Variants in NCSTN observed in about 807,000 individuals in gnomAD.
NCSTN encodes anterior pharynx-defective 2.
Under a neutral mutation model 87.0 loss-of-function variants are expected in NCSTN, and 22 were observed. That is an observed-to-expected ratio of 0.25 (90% CI 0.18 to 0.36). The LOEUF (loss-of-function observed/expected upper bound fraction) is 0.36, where lower values mean the gene tolerates loss of function less well. NCSTN is among the 10% of genes least tolerant of loss of function. NCSTN has a pLI of 1.00. For missense variants in NCSTN, 693 were observed against 883.3 expected (o/e 0.78, Z 2.73); for synonymous variants, 306 against 327.1 (o/e 0.94, Z 0.69).
At chr1:160,356,087 C>A in intron 13 of NCSTN, 129 bp downstream of exon 13, 1 of 1,074,608 alleles carries the variant, frequency 9.3e-7, no homozygotes, top group Non-Finnish European at 1.4e-6. Context: ...CCTCATGCCC[C>A]AGAGAGCTCT....
chr1:160,353,736 A>G, intron 10 of NCSTN: 1 of 983,236 alleles, frequency 1.0e-6, no homozygotes, highest in Non-Finnish European at 1.2e-6. Flanking sequence ...CTCCTGTAGC[A>G]TTTAAAGAAT....
At chr1:160,351,103 G>A in intron 5 of NCSTN, 119 bp from the exon 6 acceptor site, 1 of 1,021,924 alleles carries the variant, frequency 9.8e-7, no homozygotes, top group Non-Finnish European at 1.5e-6. Flanking sequence ...AGGGATAAAT[G>A]TCTCCGAAAA....
chr1:160,358,047 G>A, intron 16 of NCSTN, 102 bp from the exon 17 acceptor site: 2 of 1,465,098 alleles, frequency 1.4e-6, no homozygotes, highest in Non-Finnish European at 1.9e-6. Flanking sequence ...CTTAGAGCCA[G>A]CATCCGAATT....
At chr1:160,348,204 T>C (rs1337738784) in intron 2 of NCSTN, among the ~76,000 whole-genome samples, 1 of 152,266 alleles carries the variant, frequency 6.6e-6, no homozygotes, top group Admixed American at 6.5e-5. Context: ...CCTTGAATTA[T>C]GTAGAATTCA....
chr1:160,351,511 A>G (rs1309312793), intron 6 of NCSTN, 139 bp downstream of exon 6: 3 of 1,337,382 alleles, frequency 2.2e-6, no homozygotes, highest in Middle Eastern at 1.8e-4. Context: ...ACTAGAAACA[A>G]TTCTGAAAAA....
chr1:160,348,408 C>A (rs1648633362), intron 2 of NCSTN, among the ~76,000 whole-genome samples: 2 of 152,178 alleles, frequency 1.3e-5, no homozygotes, highest in African/African-American at 4.8e-5. Context: ...CCTAGGTTTC[C>A]TGGAATGAGG....
At chr1:160,353,498 A>G in intron 10 of NCSTN, 1 of 1,365,288 alleles carries the variant, frequency 7.3e-7, no homozygotes, top group Non-Finnish European at 9.5e-7. Context: ...CCCATTAAGG[A>G]TAGGTGAGTG....
chr1:160,354,068 G>A (rs1398865039), intron 10 of NCSTN, 50 bp from the exon 11 acceptor site: 19 of 1,582,570 alleles, frequency 1.2e-5, no homozygotes, highest in Non-Finnish European at 1.6e-5. Context: ...GAGACCTCCT[G>A]CTTCCCATCC....
chr1:160,344,772 A>G lies in NCSTN; in HGVS notation c.136A>G (p.Lys46Glu). The G allele has an allele frequency of 6.2e-7, 1 of 1,614,176 alleles. No homozygotes were observed. The highest frequency in any genetic ancestry group is 8.5e-7 in the Non-Finnish European group (1 of 1,180,010). Residue 46 changes from lysine to glutamate, a missense_variant, in exon 2 of 17, where the codon AAA (lysine) becomes GAA (glutamate). By Grantham distance (56) the Lys-to-Glu change is moderately conservative. Transcript: ENST00000294785. ...VERKIYIPLN[K>E]TAPCVRLLNA... ...GAGGAAGATATATATCCCCTTAAAT[A>G]AAACAGCTCCCTGTGTTCGCCTGCT...
chr1:160,358,064 G>A, intron 16 of NCSTN, 85 bp from the exon 17 acceptor site: 1 of 1,588,956 alleles, frequency 6.3e-7, no homozygotes, highest in Non-Finnish European at 8.6e-7. Context: ...AATTCCCATG[G>A]CTCCAAACCC....
intron 4 of NCSTN, 87 bp downstream of exon 4, chr1:160,349,757 G>A (rs2101899213): frequency 6.5e-7 from 1 of 1,547,716 alleles, no homozygotes; most frequent in South Asian, 1.1e-5. Context: ...GGATGTATAT[G>A]TGTTTGTGTC....
At chr1:160,345,189 G>A in intron 2 of NCSTN, 1 of 339,632 alleles carries the variant, frequency 2.9e-6, no homozygotes, top group Non-Finnish European at 5.6e-6. Context: ...CGAGCACTAA[G>A]CTGAGAGACC....
At chr1:160,348,729 A>G (rs1648662368) in intron 2 of NCSTN, among the ~76,000 whole-genome samples, 1 of 152,236 alleles carries the variant, frequency 6.6e-6, no homozygotes, top group Non-Finnish European at 1.5e-5. Flanking sequence ...ATATGGCTAA[A>G]TAAGGTTGAG....
chr1:160,350,188 G>A lies in NCSTN; in HGVS notation c.520G>A (p.Glu174Lys), dbSNP rs1305497932. 4 of 1,614,164 alleles carry A rather than the reference G, an allele frequency of 2.5e-6. No homozygotes were observed. The highest frequency in any genetic ancestry group is 3.4e-6 in the Non-Finnish European group (4 of 1,180,016). The stretch of plus-strand genomic sequence containing the variant: ...TTCGCTGGGCAATGGTTTGGCTTAT[G>A]AAGACTTTAGTTTCCCCATCTTTCT... ...WNSLGNGLAYEDFSFPIFLLE... is the reference protein window; with the variant it reads ...WNSLGNGLAYKDFSFPIFLLE... The change falls in exon 5 of 17, where the codon GAA becomes AAA. Residue 174 changes from glutamate to lysine, a missense_variant. Glu to Lys is a moderately conservative substitution (Grantham distance 56, BLOSUM62 1). Coordinates refer to ENST00000294785, the MANE Select transcript of NCSTN (RefSeq NM_015331.3).
chr1:160,353,424 C>CATT, intron 10 of NCSTN, 187 bp downstream of exon 10: 1 of 1,490,704 alleles, frequency 6.7e-7, no homozygotes, highest in Non-Finnish European at 8.9e-7. Context: ...AACTCAGTGA[C>CATT]ATTCCATTGG....
Position 160,353,229 on chromosome 1 carries a change from C to T in NCSTN, c.1171C>T (p.Arg391Trp), listed in dbSNP as rs151131279. Residue 391 changes from arginine (R) to tryptophan (W), a missense_variant, in exon 10 of 17, where the codon CGG (arginine) becomes TGG (tryptophan). Transcript: ENST00000294785. ...DPVSQKNESV[R>W]NQVEDLLATL... ...TGTTTCTCAGAAAAATGAGTCTGTA[C>T]GGAACCAGGTAACCTGAGCATCTCC... The T allele has an allele frequency of 4.0e-5, 65 of 1,614,094 alleles. No homozygotes were observed. The Middle Eastern group carries it at 5.0e-4, about 12-fold the overall frequency.
chr1:160,348,676 T>C (rs900516423), intron 2 of NCSTN, among the ~76,000 whole-genome samples: 3 of 152,360 alleles, frequency 2.0e-5, no homozygotes, highest in South Asian at 4.1e-4. Context: ...AGAGAAAATA[T>C]AGGTTTGAAA....
chr1:160,353,079 T>C, intron 9 of NCSTN, 81 bp from the exon 10 acceptor site: 2 of 1,580,588 alleles, frequency 1.3e-6, no homozygotes, highest in Non-Finnish European at 1.7e-6. Flanking sequence ...AACCACCGCC[T>C]CTTCCCTTGA....
chr1:160,343,659 C>G, intron 1 of NCSTN, 178 bp downstream of exon 1: 1 of 735,536 alleles, frequency 1.4e-6, no homozygotes, highest in Non-Finnish European at 2.5e-6. Flanking sequence ...CCTGAAGGTC[C>G]CTTCTCCCCC....
Sources: allele counts gnomAD v4.1 joint callset (sites outside exome capture counted in the v4.1 genomes callset), GRCh38; gene constraint gnomAD v4.1.1; transcripts MANE v1.5; gene names NCBI Gene and HGNC (gene_info 2026-07-23, HGNC 2026-07-21).